The following TCTN1 variants were observed in gnomAD, a reference collection of about 807,000 sequenced individuals.
The protein encoded by TCTN1 is tectonic-1.
Under a neutral mutation model 65.8 loss-of-function variants are expected in TCTN1, and 58 were observed. The observed-to-expected ratio is 0.88, with a 90% CI of 0.71 to 1.10. The LOEUF (loss-of-function observed/expected upper bound fraction) is 1.10, where lower values mean the gene tolerates loss of function less well. Among genes scored for constraint, TCTN1 ranks in the 50% least tolerant of loss-of-function variants. The pLI is 0.00. For missense variants in TCTN1, 645 were observed against 719.4 expected (o/e 0.90, Z 1.18); for synonymous variants, 273 against 289.1 (o/e 0.94, Z 0.57).
At position 110,647,837 on chromosome 12, in the gene TCTN1, C is replaced by T; in HGVS notation, c.1724C>T (p.Ala575Val). ...GCACCTGCAGAGGCAGGCTTCAGAG[C>T]TCCACCAGCCATCAATGCCAGGCTG... Reference protein sequence around the residue: ...VSAPAEAGFRAPPAINARLPF... With the variant: ...VSAPAEAGFRVPPAINARLPF... The change falls in exon 14 of 15, where the codon GCT becomes GTT. Residue 575 changes from alanine to valine, a missense_variant. Transcript: ENST00000397659. The T allele has an allele frequency of 6.2e-7, 1 of 1,614,180 alleles. No homozygotes were observed. The highest frequency in any genetic ancestry group is 8.5e-7 in the Non-Finnish European group (1 of 1,180,036).
intron 6 of TCTN1, among the ~76,000 whole-genome samples, chr12:110,635,253 T>C (rs1195963606): frequency 6.6e-6 from 1 of 152,186 alleles, no homozygotes; most frequent in Non-Finnish European, 1.5e-5. Flanking sequence ...GGGCCCCTTC[T>C]CTCTGGTTAC....
Position 110,649,233 on chromosome 12 carries a change from TTGG to T in TCTN1, c.*197_*199del, listed in dbSNP as rs1274820649. The T allele has an allele frequency of 1.5e-6, 1 of 672,448 alleles. No individual in the cohort carries two copies. Among genetic ancestry groups the T allele is most frequent in the African/African-American group, 1.8e-5 (1 of 55,598 alleles). The allele number at this position is 672,448 out of a possible 1,614,324, so 41.7% of individuals were successfully genotyped here. On this transcript the variant is annotated 3_prime_UTR_variant, in exon 15 of 15. Transcript: ENST00000397659. ...TGGGGTGGGAGTGGATGGGCAGCTCTTGGTGGTACTGGACCTTCCACAAGGCTG... is the reference window on the plus strand; with the variant it reads ...TGGGGTGGGAGTGGATGGGCAGCTCTTGGTACTGGACCTTCCACAAGGCTG...
chr12:110,619,579 C>T (rs888911890), intron 1 of TCTN1, among the ~76,000 whole-genome samples: 12 of 152,186 alleles, frequency 7.9e-5, no homozygotes, highest in African/African-American at 2.7e-4. Flanking sequence ...ATTCAGCTTA[C>T]GAAATCAGCA....
chr12:110,630,989 T>C (rs1359655134), intron 4 of TCTN1, among the ~76,000 whole-genome samples: 1 of 152,128 alleles, frequency 6.6e-6, no homozygotes, highest in Non-Finnish European at 1.5e-5. Context: ...GTTTTTGAGA[T>C]GGAGTCTTGC....
chr12:110,644,962 C>T lies in TCTN1; in HGVS notation c.1332-5C>T, dbSNP rs957712970. On this transcript the variant is annotated splice_polypyrimidine_tract_variant and splice_region_variant and intron_variant, in intron 11 of 14. Transcript: ENST00000397659. The surrounding 1 kb of genome is among the most constrained non-coding windows in gnomAD (Gnocchi z 4.6). ...ATTCAGTTGACTTCTTTTTCCTTCA[C>T]CAAGACTGACTGGAGCTCTCCCGTG... The T allele has an allele frequency of 1.9e-6, 3 of 1,614,216 alleles. No homozygotes were observed. Among genetic ancestry groups the T allele is most frequent in the Non-Finnish European group, 1.7e-6 (2 of 1,180,044 alleles).
intron 1 of TCTN1, among the ~76,000 whole-genome samples, chr12:110,618,279 C>T (rs1312175353): frequency 5.3e-5 from 8 of 151,632 alleles, no homozygotes; most frequent in Non-Finnish European, 7.4e-5. Flanking sequence ...CTCGCTCTGT[C>T]GCCCAGGCTG....
chr12:110,626,279 GC>G, intron 2 of TCTN1, 82 bp from the exon 3 acceptor site: 7 of 1,424,118 alleles, frequency 4.9e-6, no homozygotes, highest in Non-Finnish European at 6.7e-6. Flanking sequence ...TACAGTACAA[GC>G]ATCTGACAGT....
chr12:110,638,320 C>T (rs898075463), intron 7 of TCTN1, among the ~76,000 whole-genome samples: 4 of 152,174 alleles, frequency 2.6e-5, no homozygotes, highest in South Asian at 4.1e-4. Flanking sequence ...AAAGGTTGTG[C>T]TCTAAAGGAC....
intron 5 of TCTN1, among the ~76,000 whole-genome samples, chr12:110,633,890 C>T (rs1157723943): frequency 6.6e-6 from 1 of 152,158 alleles, no homozygotes; most frequent in African/African-American, 2.4e-5. Context: ...TGTTCTACTT[C>T]CAGGAGTTGA....
intron 4 of TCTN1, among the ~76,000 whole-genome samples, chr12:110,630,583 T>TAA: frequency 6.6e-6 from 1 of 152,342 alleles, no homozygotes; most frequent in African/African-American, 2.4e-5. Context: ...GTTCAACATA[T>TAA]AGAGGCATAT....
At chr12:110,634,506 G>C (rs1327393111) in intron 5 of TCTN1, 164 bp from the exon 6 acceptor site, 2 of 642,706 alleles carry the variant, frequency 3.1e-6, no homozygotes. Context: ...GTGAAACCTT[G>C]TCTCTACTAA....
Position 110,634,762 on chromosome 12 carries a change from A to T in TCTN1, c.805A>T (p.Ser269Cys). The T allele has an allele frequency of 6.2e-7, 1 of 1,610,488 alleles. No homozygotes were observed. The highest frequency in any genetic ancestry group is 8.5e-7 in the Non-Finnish European group (1 of 1,178,048). Reference sequence around the variant, plus strand: ...AGCCCTCAGCATGGCTTTTTACAGCAGCCCGGAAATTCTGAGGGTAAGAAT... The same window carrying T: ...AGCCCTCAGCATGGCTTTTTACAGCTGCCCGGAAATTCTGAGGGTAAGAAT... ...IEALSMAFYSSPEILRVPDSR... is the reference protein window; with the variant it reads ...IEALSMAFYSCPEILRVPDSR... The change falls in exon 6 of 15, where the codon AGC becomes TGC. Residue 269 changes from serine to cysteine, a missense_variant. Transcript: ENST00000397659.
intron 4 of TCTN1, chr12:110,629,242 A>G: frequency 2.2e-6 from 1 of 454,136 alleles, no homozygotes; most frequent in Non-Finnish European, 3.9e-6. Context: ...CAAAATTGAC[A>G]AATGGGATCT....
chr12:110,621,684 G>C (rs904458020), intron 2 of TCTN1, among the ~76,000 whole-genome samples: 6 of 151,876 alleles, frequency 4.0e-5, no homozygotes, highest in Admixed American at 3.9e-4. Flanking sequence ...GTGTTAGCCA[G>C]GCTGGTCTTG....
At chr12:110,624,323 C>T (rs2065673494) in intron 2 of TCTN1, among the ~76,000 whole-genome samples, 1 of 151,866 alleles carries the variant, frequency 6.6e-6, no homozygotes, top group African/African-American at 2.4e-5. Context: ...AAGCAGTCCT[C>T]CTACCTCAGC....
chr12:110,641,167 G>A lies in TCTN1; in HGVS notation c.1104+18G>A. 1 of 1,614,092 alleles carries A rather than the reference G, an allele frequency of 6.2e-7. No homozygotes were observed. Among genetic ancestry groups the A allele is most frequent in the Non-Finnish European group, 8.5e-7 (1 of 1,180,022 alleles). On this transcript the variant is annotated intron_variant, in intron 9 of 14. Transcript: ENST00000397659. ...TTCTTCAGGTAAGGTTGATCAATTT[G>A]GCATAAGTATTTAATTGCCAAGTTA...
Position 110,641,549 on chromosome 12 carries a change from C to T in TCTN1, c.1112C>T (p.Thr371Ile), listed in dbSNP as rs1350588885. 6.2e-7 allele frequency: 1 copy of T among 1,614,132 alleles called. No individual in the cohort carries two copies. Among genetic ancestry groups the T allele is most frequent in the Non-Finnish European group, 8.5e-7 (1 of 1,179,964 alleles). The change falls in exon 10 of 15, where the codon ACC becomes ATC. Residue 371 changes from threonine (T) to isoleucine (I), a missense_variant. Transcript: ENST00000397659. ...TTCTGCATTGTCTTTCAGGAAAATA[C>T]CCAGCCAGTCCCTCTCAGTGGAAAC... is the stretch of plus-strand genomic sequence containing the variant. ...KFEIHFLQEN[T>I]QPVPLSGNPG...
intron 5 of TCTN1, chr12:110,634,303 TTG>T: frequency 2.3e-6 from 1 of 438,288 alleles, no homozygotes; most frequent in Middle Eastern, 3.3e-4. Context: ...AGGACAAGAA[TTG>T]GAGGGGGATT....
chr12:110,624,971 G>A (rs1258248596), intron 2 of TCTN1, among the ~76,000 whole-genome samples: 1 of 152,148 alleles, frequency 6.6e-6, no homozygotes, highest in East Asian at 1.9e-4. Flanking sequence ...TGGGATTAGA[G>A]GCATGAGCCA....
Sources: allele counts gnomAD v4.1 joint callset (sites outside exome capture counted in the v4.1 genomes callset), GRCh38; gene constraint gnomAD v4.1.1; non-coding constraint Gnocchi (gnomAD v3.1); transcripts MANE v1.5; gene names NCBI Gene and HGNC (gene_info 2026-07-23, HGNC 2026-07-21).